The following NOMO3 variants were observed in gnomAD, a reference collection of about 807,000 sequenced individuals.
NOMO3 encodes the protein NODAL modulator 3, also known as BOS complex subunit NOMO3.
Under a neutral mutation model 69.9 loss-of-function variants are expected in NOMO3, and 15 were observed. The ratio of observed to expected loss-of-function variants is 0.21; its 90% confidence interval spans 0.14 to 0.33. The LOEUF is 0.33. Ranked by LOEUF, NOMO3 falls within the 10% of genes least tolerant of loss-of-function variation. The pLI is 1.00. For missense variants in NOMO3, 218 were observed against 761.0 expected, an observed-to-expected ratio of 0.29 and a Z score of 8.39; for synonymous variants, 89 against 301.9, an observed-to-expected ratio of 0.29 and a Z score of 7.31.
Position 16,238,289 on chromosome 16 carries a change from G to A in NOMO3, c.255+1299G>A, listed in dbSNP as rs1265628385. Reference sequence around the variant, plus strand: ...ACTCTGTCAGCCAGGCTGGAGTGCAGTGGCGCGATCTCGGCTCACTGCAAC... The same window carrying A: ...ACTCTGTCAGCCAGGCTGGAGTGCAATGGCGCGATCTCGGCTCACTGCAAC... On this transcript the variant is annotated intron_variant, in intron 2 of 30. Transcript: ENST00000399336. Among the ~76,000 whole-genome samples, 9 of 135,856 alleles carry A rather than the reference G, an allele frequency of 6.6e-5. 2 individuals carry two copies. In the East Asian group the frequency reaches 2.3e-3, roughly 34 times the overall value. 89.1% of individuals were successfully genotyped at this position (135,856 alleles called of 152,430 possible). A position where few individuals can be genotyped will look rare whatever the true frequency, so the allele number is the denominator to read the frequency against.
rs540558617 is a variant in NOMO3, at chr16:16,263,293, G to A, written c.1537+78G>A. Reference sequence around the variant, plus strand: ...AGGAGTGGGATTTGGGAAACTTTTTGTTTTGCCTTTGTTGTTTGCTACTGA... The same window carrying A: ...AGGAGTGGGATTTGGGAAACTTTTTATTTTGCCTTTGTTGTTTGCTACTGA... On this transcript the variant is annotated intron_variant, in intron 13 of 30. Coordinates refer to ENST00000399336, the MANE Select transcript of NOMO3 (RefSeq NM_001004067.4). 8 of 1,594,286 alleles carry A rather than the reference G, an allele frequency of 5.0e-6. 1 individual carries two copies. The East Asian group carries it at 2.0e-4, about 39-fold the overall frequency.
At chr16:16,259,297 C>T (rs763603652) in intron 11 of NOMO3, among the ~76,000 whole-genome samples, 5 of 144,090 alleles carry the variant, frequency 3.5e-5, no homozygotes, top group Non-Finnish European at 7.4e-5. Context: ...TTTAATTGGC[C>T]GATGTAGTAC....
intron 29 of NOMO3, among the ~76,000 whole-genome samples, chr16:16,288,229 G>A: frequency 9.1e-6 from 1 of 110,254 alleles, no homozygotes; most frequent in African/African-American, 4.2e-5. Flanking sequence ...AATCCATGGG[G>A]TGGCAAAAGA....
intron 11 of NOMO3, 83 bp from the exon 12 acceptor site, chr16:16,261,419 G>C (rs2049564459): frequency 3.3e-6 from 5 of 1,496,242 alleles, no homozygotes; most frequent in Non-Finnish European, 4.5e-6. Context: ...GGCTGGGAGA[G>C]GGCTGCATCT....
At chr16:16,259,578 G>A (rs1437884106) in intron 11 of NOMO3, among the ~76,000 whole-genome samples, 2 of 109,976 alleles carry the variant, frequency 1.8e-5, no homozygotes, top group African/African-American at 4.9e-5. Context: ...TGACCCACCC[G>A]CCTCGGCTTC....
chr16:16,247,838 C>T (rs1164510817), intron 6 of NOMO3, among the ~76,000 whole-genome samples: 1 of 3,730 alleles, frequency 2.7e-4, no homozygotes, highest in Non-Finnish European at 4.3e-4. Flanking sequence ...AACTGTGGTA[C>T]GCGTGACCAA....
intron 3 of NOMO3, among the ~76,000 whole-genome samples, chr16:16,242,923 A>G (rs1767424360): frequency 7.0e-6 from 1 of 142,838 alleles, no homozygotes; most frequent in Admixed American, 6.8e-5. Context: ...TACTCTAAAC[A>G]CGAATTCCCT....
Position 16,257,660 on chromosome 16 carries a change from C to G in NOMO3, c.1220+1502C>G, listed in dbSNP as rs402522. ...TGGCCCAGGGGGGGACCTAGGGAGC[C>G]TGAGGTCATAGGAGCTAAGAAAGTA... is the stretch of plus-strand genomic sequence containing the variant. On this transcript the variant is annotated intron_variant, in intron 11 of 30. Coordinates refer to ENST00000399336, the MANE Select transcript of NOMO3 (RefSeq NM_001004067.4). Among the ~76,000 whole-genome samples the G allele has an allele frequency of 2.8e-3, 394 of 142,708 alleles. 70 individuals carry two copies. The highest frequency in any genetic ancestry group is 0.011 in the African/African-American group (365 of 34,266). The allele number at this position is 142,708 out of a possible 152,430, so 93.6% of individuals were successfully genotyped here.
At chr16:16,239,477 CT>C (rs1056035805) in intron 2 of NOMO3, among the ~76,000 whole-genome samples, 1 of 146,772 alleles carries the variant, frequency 6.8e-6, no homozygotes, top group Middle Eastern at 3.4e-3. Context: ...TAGGGGGTGC[CT>C]TTAGTTCCTG....
At chr16:16,246,718 CATGTT>C (rs1451521985) in intron 5 of NOMO3, among the ~76,000 whole-genome samples, 1 of 110,554 alleles carries the variant, frequency 9.0e-6, no homozygotes, top group Non-Finnish European at 1.7e-5. Flanking sequence ...AAGGGATAAA[CATGTT>C]AGTATACTGG....
Position 16,265,268 on chromosome 16 carries a change from G to A in NOMO3, c.1806+89G>A, listed in dbSNP as rs758225093. 3.1e-5 allele frequency: 49 copies of A among 1,586,050 alleles called. 2 individuals are homozygous for A. Among genetic ancestry groups the A allele is most frequent in the East Asian group, 1.0e-4 (4 of 39,916 alleles). ...CTAACATCCCAGGAATATTGTAAACGTAGGCAAGTCAGATTTCCTTTTCTG... is the reference window on the plus strand; with the variant it reads ...CTAACATCCCAGGAATATTGTAAACATAGGCAAGTCAGATTTCCTTTTCTG... On this transcript the variant is annotated intron_variant, in intron 15 of 30. Transcript: ENST00000399336.
At chr16:16,253,085 C>T (rs1426154090) in intron 9 of NOMO3, among the ~76,000 whole-genome samples, 2 of 133,724 alleles carry the variant, frequency 1.5e-5, no homozygotes, top group Non-Finnish European at 1.5e-5. Context: ...CTGCCTGCCT[C>T]GGCTTCCCAA....
At chr16:16,270,275 T>C (rs2049652065) in intron 17 of NOMO3, 91 bp downstream of exon 17, 1 of 1,583,858 alleles carries the variant, frequency 6.3e-7, no homozygotes, top group South Asian at 1.1e-5. Context: ...AGTTTTTCTG[T>C]TTTTTTTCTG....
At chr16:16,232,865 G>A in intron 1 of NOMO3, 34 bp downstream of exon 1, 1 of 257,388 alleles carries the variant, frequency 3.9e-6, no homozygotes, top group Non-Finnish European at 5.9e-6. Context: ...GCGCCGAGTC[G>A]CCGGGCCGGT....
At chr16:16,239,311 C>T (rs1460436760) in intron 2 of NOMO3, among the ~76,000 whole-genome samples, 1 of 143,046 alleles carries the variant, frequency 7.0e-6, no homozygotes, top group Non-Finnish European at 1.5e-5. Context: ...CCACCACACC[C>T]AGCTAATTTT....
intron 9 of NOMO3, among the ~76,000 whole-genome samples, chr16:16,255,423 G>A (rs561370864): frequency 7.4e-5 from 10 of 135,460 alleles, no homozygotes; most frequent in Non-Finnish European, 1.4e-4. Context: ...ATGGCACAGG[G>A]GTAAGGGTGG....
At chr16:16,236,045 A>G (rs1234057033) in intron 1 of NOMO3, 1 of 198,674 alleles carries the variant, frequency 5.0e-6, no homozygotes, top group Non-Finnish European at 1.0e-5. Context: ...GAGTCCTTGA[A>G]GAGAGGACAG....
rs1255691723 is a variant in NOMO3 at position 16,263,187 on chromosome 16, A to G, written c.1509A>G (p.Ala503=). The G allele has an allele frequency of 4.4e-6, 7 of 1,593,026 alleles. No homozygotes were observed. In the South Asian group the frequency reaches 6.7e-5, roughly 15 times the overall value. The change falls in exon 13 of 31, where the codon GCA becomes GCG. Residue 503 remains alanine, a synonymous_variant. Transcript: ENST00000399336. ...ATGTGGCCTTTGTACAGTTCTTGGCATCAGTTTCTGGGAAAGTCTCTTGTT... is the reference window on the plus strand; with the variant it reads ...ATGTGGCCTTTGTACAGTTCTTGGCGTCAGTTTCTGGGAAAGTCTCTTGTT... ...VMDVAFVQFL[A]SVSGKVSCLD... is the part of the protein sequence containing the mutation.
Position 16,237,219 on chromosome 16 carries a change from T to C in NOMO3, c.255+229T>C, listed in dbSNP as rs576472878. On this transcript the variant is annotated intron_variant, in intron 2 of 30. Coordinates refer to ENST00000399336, the MANE Select transcript of NOMO3 (RefSeq NM_001004067.4). ...CATTTGGCAATGTCTAGAGACGTTT[T>C]TGTTGTGACATCTGTGGCTGTGCGC... 1.4e-5 allele frequency among the ~76,000 whole-genome samples: 2 copies of C among 144,768 alleles called. 1 individual carries two copies. Among genetic ancestry groups the C allele is most frequent in the East Asian group, 4.5e-4 (2 of 4,492 alleles). 95.0% of individuals were successfully genotyped at this position (144,768 alleles called of 152,430 possible). A position where few individuals can be genotyped will look rare whatever the true frequency, so the allele number is the denominator to read the frequency against.
Sources: gnomAD v4.1 joint callset for allele counts (sites outside exome capture counted in the v4.1 genomes callset) on GRCh38, gnomAD v4.1.1 for gene constraint, MANE v1.5 for transcripts, NCBI Gene and HGNC (gene_info 2026-07-23, HGNC 2026-07-21) for gene names.